Variants in NKAIN3 observed in about 807,000 individuals in gnomAD.
NKAIN3 encodes the protein sodium/potassium transporting ATPase interacting 3.
NKAIN3 carries 25 observed loss-of-function variants against 30.2 expected under a neutral mutation model. That is an observed-to-expected ratio of 0.83 (90% CI 0.60 to 1.16). The LOEUF (loss-of-function observed/expected upper bound fraction) is 1.16. NKAIN3 is among the 50% of genes most tolerant of loss of function. The pLI, the probability that NKAIN3 is intolerant of heterozygous loss-of-function variation, is 0.00. For synonymous variants in NKAIN3, 91 were observed against 89.6 expected, an observed-to-expected ratio of 1.02 and a Z score of -0.09; for missense variants, 225 against 254.1, an observed-to-expected ratio of 0.89 and a Z score of 0.78.
chr8:62,828,579 C>G (rs932678923), intron 4 of NKAIN3, among the ~76,000 whole-genome samples: 1 of 151,952 alleles, frequency 6.6e-6, no homozygotes, highest in Non-Finnish European at 1.5e-5. Context: ...AATAAACTAG[C>G]TAAAAAAATT....
intron 4 of NKAIN3, among the ~76,000 whole-genome samples, chr8:62,901,132 C>T (rs1821603551): frequency 6.6e-6 from 1 of 152,210 alleles, no homozygotes; most frequent in South Asian, 2.1e-4. Context: ...AGTGGTGATA[C>T]TCAGTGTCCA....
chr8:62,920,652 C>T (rs772588306), intron 5 of NKAIN3, among the ~76,000 whole-genome samples: 10 of 152,140 alleles, frequency 6.6e-5, no homozygotes, highest in African/African-American at 9.7e-5. Flanking sequence ...CAGTGCCCTT[C>T]AAACTGGGAT....
intron 1 of NKAIN3, among the ~76,000 whole-genome samples, chr8:62,366,080 C>T (rs1816727851): frequency 6.6e-6 from 1 of 152,150 alleles, no homozygotes; most frequent in South Asian, 2.1e-4. Context: ...TCTCCTTACT[C>T]ACTATTGGTC....
chr8:62,563,176 G>C (rs985037286), intron 1 of NKAIN3, among the ~76,000 whole-genome samples: 1 of 152,076 alleles, frequency 6.6e-6, no homozygotes, highest in Non-Finnish European at 1.5e-5. Flanking sequence ...CTTATTCCTG[G>C]CTTAAGCTAT....
At chr8:62,335,448 A>G (rs574214643) in intron 1 of NKAIN3, among the ~76,000 whole-genome samples, 35 of 150,628 alleles carry the variant, frequency 2.3e-4, no homozygotes, top group African/African-American at 6.4e-4. Context: ...AAAAAAAAAA[A>G]AAAGAAAGAA....
chr8:62,421,083 T>C (rs1218701328), intron 1 of NKAIN3, among the ~76,000 whole-genome samples: 1 of 152,008 alleles, frequency 6.6e-6, no homozygotes, highest in Non-Finnish European at 1.5e-5. Flanking sequence ...CCGCACAAGG[T>C]TGAGGATTAT....
At chr8:62,827,578 T>C (rs1819065324) in intron 4 of NKAIN3, among the ~76,000 whole-genome samples, 1 of 152,210 alleles carries the variant, frequency 6.6e-6, no homozygotes. Flanking sequence ...AAGAGGCAGA[T>C]GACCTGTGTG....
intron 1 of NKAIN3, among the ~76,000 whole-genome samples, chr8:62,557,369 T>C (rs1251204745): frequency 6.6e-6 from 1 of 152,170 alleles, no homozygotes; most frequent in Non-Finnish European, 1.5e-5. Flanking sequence ...TAAACATGCA[T>C]GTACAAGTAT....
intron 1 of NKAIN3, among the ~76,000 whole-genome samples, chr8:62,440,702 A>T (rs1448778722): frequency 5.4e-5 from 8 of 147,294 alleles, no homozygotes; most frequent in South Asian, 2.1e-4. Flanking sequence ...CTTCTTCTTT[A>T]TTTTTTTTTT....
At chr8:62,329,617 C>T (rs535866630) in intron 1 of NKAIN3, among the ~76,000 whole-genome samples, 109 of 152,168 alleles carry the variant, frequency 7.2e-4, no homozygotes, top group Non-Finnish European at 1.2e-3. Context: ...CTGTATTAGT[C>T]GCTTAGGATA....
At chr8:62,948,656 T>C (rs1823193677) in intron 5 of NKAIN3, among the ~76,000 whole-genome samples, 1 of 152,224 alleles carries the variant, frequency 6.6e-6, no homozygotes, top group Non-Finnish European at 1.5e-5. Context: ...GAAAGCAAAG[T>C]CCTTATCAAA....
intron 3 of NKAIN3, among the ~76,000 whole-genome samples, chr8:62,719,543 C>A (rs1815016198): frequency 6.6e-6 from 1 of 152,136 alleles, no homozygotes; most frequent in Admixed American, 6.5e-5. Flanking sequence ...CTGACATGAT[C>A]TAGTCCTATA....
intron 3 of NKAIN3, among the ~76,000 whole-genome samples, chr8:62,612,586 G>T (rs1436910325): frequency 6.6e-6 from 1 of 151,374 alleles, no homozygotes; most frequent in Non-Finnish European, 1.5e-5. Context: ...TGATTAAAGA[G>T]TTTAGCCCAT....
chr8:62,560,226 G>A (rs1041627261), intron 1 of NKAIN3, among the ~76,000 whole-genome samples: 10 of 151,880 alleles, frequency 6.6e-5, no homozygotes, highest in Non-Finnish European at 1.2e-4. Flanking sequence ...GTTTAATTAC[G>A]ATATAGCTTG....
intron 5 of NKAIN3, among the ~76,000 whole-genome samples, chr8:62,922,148 T>G (rs979533689): frequency 3.3e-5 from 5 of 152,226 alleles, no homozygotes; most frequent in African/African-American, 1.2e-4. Context: ...TAAATAGTTC[T>G]TTATATAAAC....
chr8:62,904,940 G>T (rs1821733338), intron 4 of NKAIN3, among the ~76,000 whole-genome samples: 1 of 152,054 alleles, frequency 6.6e-6, no homozygotes, highest in Non-Finnish European at 1.5e-5. Flanking sequence ...TGATGGAGCT[G>T]GGGCAGGACT....
chr8:62,773,718 C>T (rs1272048708), intron 4 of NKAIN3, among the ~76,000 whole-genome samples: 3 of 152,090 alleles, frequency 2.0e-5, no homozygotes, highest in African/African-American at 7.2e-5. Flanking sequence ...TGCCTGCCAC[C>T]ATATAAGACA....
At chr8:62,875,378 A>G (rs371957726) in intron 4 of NKAIN3, among the ~76,000 whole-genome samples, 43 of 152,324 alleles carry the variant, frequency 2.8e-4, no homozygotes, top group African/African-American at 9.9e-4. Flanking sequence ...AGGAATCAAT[A>G]TCGTGAAAAT....
intron 1 of NKAIN3, among the ~76,000 whole-genome samples, chr8:62,504,959 C>T (rs1329946103): frequency 6.6e-6 from 1 of 152,134 alleles, no homozygotes; most frequent in African/African-American, 2.4e-5. Context: ...CCAGGTCTTC[C>T]TTTTTGTTCC....
Sources: gnomAD v4.1 joint callset for allele counts (sites outside exome capture counted in the v4.1 genomes callset) on GRCh38, gnomAD v4.1.1 for gene constraint, MANE v1.5 for transcripts, NCBI Gene and HGNC (gene_info 2026-07-23, HGNC 2026-07-21) for gene names.